Variants in RIN1 observed in about 807,000 individuals in gnomAD.
The protein encoded by RIN1 is ras inhibitor 1.
RIN1 carries 52 observed loss-of-function variants against 64.9 expected under a neutral mutation model. The observed-to-expected ratio is 0.80, with a 90% CI of 0.64 to 1.01. The LOEUF (loss-of-function observed/expected upper bound fraction) is 1.01, where lower values mean the gene tolerates loss of function less well. Among genes scored for constraint, RIN1 ranks in the 50% least tolerant of loss-of-function variants. The pLI, the probability that RIN1 is intolerant of heterozygous loss-of-function variation, is 0.00. For synonymous variants in RIN1, 486 were observed against 483.6 expected (o/e 1.00, Z -0.06); for missense variants, 1,040 against 1,064.5 (o/e 0.98, Z 0.32).
intron 4 of RIN1, 27 bp from the exon 5 acceptor site, chr11:66,335,525 G>A (rs1279355118): frequency 5.6e-6 from 9 of 1,613,374 alleles, no homozygotes; most frequent in Admixed American, 1.7e-5. Flanking sequence ...GAGCAGAAGG[G>A]AGTGAGGGCC....
chr11:66,332,721 C>A lies in RIN1; in HGVS notation c.1907G>T (p.Ser636Ile). 6.6e-7 allele frequency: 1 copy of A among 1,525,536 alleles called. No homozygotes were observed. Among genetic ancestry groups the A allele is most frequent in the Non-Finnish European group, 8.8e-7 (1 of 1,137,694 alleles). The allele number at this position is 1,525,536 out of a possible 1,614,324, so 94.5% of individuals were successfully genotyped here. A position where few individuals can be genotyped will look rare whatever the true frequency, so the allele number is the denominator to read the frequency against. Reference protein sequence around the residue: ...HLLRVAYQDPSSGCTSKTLAV... With the variant: ...HLLRVAYQDPISGCTSKTLAV... ...CAGGGTCTTGGAGGTGCAGCCACTG[C>A]TGGGATCCTGATAGGCTACTCGGAG... Residue 636 changes from serine (S) to isoleucine (I), a missense_variant, in exon 10 of 10, where the codon AGC becomes ATC. Physicochemically the swap from Ser to Ile is moderately radical, Grantham distance 142. Transcript: ENST00000311320.
chr11:66,332,973 G>A lies in RIN1; in HGVS notation c.1876-221C>T. The stretch of plus-strand genomic sequence containing the variant: ...CCCAGTGGGGCGCTCACAAGCCTGA[G>A]ATGAAGATTTGATAGTGAGTAATTT... On this transcript the variant is annotated intron_variant, in intron 9 of 9. Transcript: ENST00000311320. 6.6e-6 allele frequency: 4 copies of A among 606,780 alleles called. No homozygotes were observed. The South Asian group carries it at 8.1e-5, about 12-fold the overall frequency. 37.6% of individuals were successfully genotyped at this position (606,780 alleles called of 1,614,324 possible).
intron 7 of RIN1, 91 bp downstream of exon 7, chr11:66,333,828 G>A (rs1854799247): frequency 2.1e-6 from 3 of 1,427,714 alleles, no homozygotes; most frequent in East Asian, 5.0e-5. Context: ...CTCTCCTGCA[G>A]GGCTGTTCTA....
intron 1 of RIN1, 26 bp downstream of exon 1, chr11:66,336,291 C>G: frequency 6.3e-7 from 1 of 1,589,134 alleles, no homozygotes; most frequent in Non-Finnish European, 8.6e-7. Flanking sequence ...CCTGCCCCAC[C>G]TGGCTGCCCT....
At position 66,334,000 on chromosome 11, in the gene RIN1, G is replaced by A. The variant is rs147712667; in HGVS notation, c.1510C>T (p.Arg504Cys). 312 of 1,565,464 alleles carry A rather than the reference G, an allele frequency of 2.0e-4. No individual in the cohort carries two copies. The African/African-American group carries it at 2.7e-3, about 14-fold the overall frequency. The stretch of plus-strand genomic sequence containing the variant: ...ACCTGGGCGCTGGGTGAGTAGGTGC[G>A]GAGCAGCTGCAGCAGCTTCTGGCGC... ...QVRQKLLQLLRTYSPSAQVKR... is the reference protein window; with the variant it reads ...QVRQKLLQLLCTYSPSAQVKR... The change falls in exon 7 of 10, where the codon CGC (arginine) becomes TGC (cysteine). Residue 504 changes from arginine to cysteine, a missense_variant. Arg to Cys is a radical substitution (Grantham distance 180). Transcript: ENST00000311320.
Position 66,334,195 on chromosome 11 carries a change from A to G in RIN1, c.1315T>C (p.Ser439Pro). 2.7e-6 allele frequency: 4 copies of G among 1,496,728 alleles called. No homozygotes were observed. Among genetic ancestry groups the G allele is most frequent in the Non-Finnish European group, 3.5e-6 (4 of 1,131,116 alleles). The allele number at this position is 1,496,728 out of a possible 1,614,324, so 92.7% of individuals were successfully genotyped here. The change falls in exon 7 of 10, where the codon TCT (serine) becomes CCT (proline). Residue 439 changes from serine to proline, a missense_variant. Physicochemically the swap from Ser to Pro is moderately conservative, Grantham distance 74. Transcript: ENST00000311320. ...EHVLEKSLHCSVLKPLRPILA... is the reference protein window; with the variant it reads ...EHVLEKSLHCPVLKPLRPILA... ...ATGGGCCGGAGAGGCTTGAGCACAG[A>G]GCAATGCAATGACTTCTCCAGGACA...
intron 7 of RIN1, 57 bp from the exon 8 acceptor site, chr11:66,333,715 G>C (rs1854795828): frequency 2.6e-6 from 4 of 1,560,730 alleles, no homozygotes; most frequent in Admixed American, 1.9e-5. Flanking sequence ...TTTAGGCAGT[G>C]ACCCCTCCCC....
rs1805501719 is a variant in RIN1 at position 66,332,487 on chromosome 11, G to A, written c.2141C>T (p.Thr714Ile). The change falls in exon 10 of 10, where the codon ACA (threonine) becomes ATA (isoleucine). Residue 714 changes from threonine (T) to isoleucine (I), a missense_variant. Physicochemically the swap from Thr to Ile is moderately conservative, Grantham distance 89. Transcript: ENST00000311320. Reference protein sequence around the residue: ...AEWPETQGAVTEEEGSGQSEA... With the variant: ...AEWPETQGAVIEEEGSGQSEA... ...TGACTGCCCACTGCCCTCCTCCTCT[G>A]TCACAGCCCCCTGGGTCTCAGGCCA... 2 of 1,614,040 alleles carry A rather than the reference G, an allele frequency of 1.2e-6. No individual in the cohort carries two copies. Among genetic ancestry groups the A allele is most frequent in the South Asian group, 2.2e-5 (2 of 91,092 alleles).
In RIN1 at chr11:66,336,419, G is replaced by A. The variant is rs375024436; in HGVS notation, c.-17C>T. On this transcript the variant is annotated 5_prime_UTR_variant, in exon 1 of 10. Transcript: ENST00000311320. ...GCTTTCCATGGCTGGGAGCTCCTTC[G>A]CTTCAGGAAGAGAATCCAGTCCCAA... 9 of 1,606,148 alleles carry A rather than the reference G, an allele frequency of 5.6e-6. No individual in the cohort carries two copies. Among genetic ancestry groups the A allele is most frequent in the African/African-American group, 5.3e-5 (4 of 74,806 alleles).
At chr11:66,334,473 G>C (rs377735413) in intron 6 of RIN1, 41 bp downstream of exon 6, 142 of 1,584,944 alleles carry the variant, frequency 9.0e-5, no homozygotes, top group Non-Finnish European at 1.2e-4. Flanking sequence ...GCAGAGGGTC[G>C]GATGGGGCAG....
At chr11:66,333,720 C>T in intron 7 of RIN1, 62 bp from the exon 8 acceptor site, 1 of 1,547,922 alleles carries the variant, frequency 6.5e-7, no homozygotes, top group East Asian at 2.3e-5. Flanking sequence ...GCAGTGACCC[C>T]TCCCCATGCC....
chr11:66,334,134 T>C lies in RIN1; in HGVS notation c.1376A>G (p.Asp459Gly). 6.5e-7 allele frequency: 1 copy of C among 1,545,504 alleles called. No homozygotes were observed. Among genetic ancestry groups the C allele is most frequent in the Non-Finnish European group, 8.7e-7 (1 of 1,147,494 alleles). The change falls in exon 7 of 10, where the codon GAC becomes GGC. Residue 459 changes from aspartate to glycine, a missense_variant. Asp to Gly is a moderately conservative substitution (Grantham distance 94). Coordinates refer to ENST00000311320, the MANE Select transcript of RIN1 (RefSeq NM_004292.3). The stretch of plus-strand genomic sequence containing the variant: ...CTCAGCTAGGCGGCCCAGGGAGCCG[T>C]CTGCGGCAAGCCGGCGCCGCAGGCG... Reference protein sequence around the residue: ...AARLRRRLAADGSLGRLAEGL... With the variant: ...AARLRRRLAAGGSLGRLAEGL...
Position 66,333,520 on chromosome 11 carries a change from C to T in RIN1, c.1723+7G>A. On this transcript the variant is annotated splice_region_variant and intron_variant, in intron 8 of 9. Transcript: ENST00000311320. ...CCCAGACAGGGAGGTGGGTGGGGGT[C>T]CCTCACCCTCTCCAGTAAGCAGGCT... 2 of 1,612,852 alleles carry T rather than the reference C, an allele frequency of 1.2e-6. No individual in the cohort carries two copies. Among genetic ancestry groups the T allele is most frequent in the Non-Finnish European group, 8.5e-7 (1 of 1,179,794 alleles).
chr11:66,333,217 G>A lies in RIN1; in HGVS notation c.1875+41C>T. 3 of 1,602,132 alleles carry A rather than the reference G, an allele frequency of 1.9e-6. No individual in the cohort carries two copies. The South Asian group carries it at 3.3e-5, about 18-fold the overall frequency. ...CAAGGACAGGAAGGTGAAAGGCGGGGATGGCGTCTGGCTCTGAGGACACGG... is the reference window on the plus strand; with the variant it reads ...CAAGGACAGGAAGGTGAAAGGCGGGAATGGCGTCTGGCTCTGAGGACACGG... On this transcript the variant is annotated intron_variant, in intron 9 of 9. Transcript: ENST00000311320.
In RIN1 at chr11:66,334,636, G is replaced by A. The variant is rs1469858966; in HGVS notation, c.1163C>T (p.Thr388Ile). ...AAGQLVQDLLTQVRAGPEPQE... is the reference protein window; with the variant it reads ...AAGQLVQDLLIQVRAGPEPQE... ...GGGCTCGGGCCCAGCCCGCACCTGGGTCAGTAGGTCCTGCACCAGCTGGCC... is the reference window on the plus strand; with the variant it reads ...GGGCTCGGGCCCAGCCCGCACCTGGATCAGTAGGTCCTGCACCAGCTGGCC... Residue 388 changes from threonine to isoleucine, a missense_variant, in exon 6 of 10, where the codon ACC becomes ATC. By Grantham distance (89) the Thr-to-Ile change is moderately conservative. Transcript: ENST00000311320. The A allele has an allele frequency of 1.1e-5, 18 of 1,575,562 alleles. No individual in the cohort carries two copies. Among genetic ancestry groups the A allele is most frequent in the African/African-American group, 1.3e-5 (1 of 74,346 alleles).
At chr11:66,333,038 C>G (rs1240802845) in intron 9 of RIN1, 1 of 616,526 alleles carries the variant, frequency 1.6e-6, no homozygotes, top group Non-Finnish European at 2.8e-6. Context: ...ATTTAATCTT[C>G]ACCTCAACCC....
At chr11:66,336,559 T>A, upstream of RIN1, 1 of 655,352 alleles carries the variant, frequency 1.5e-6, no homozygotes, top group African/African-American at 1.8e-5. Context: ...CCTCCTCTGT[T>A]CTGGACCCTG....
Position 66,334,946 on chromosome 11 carries a change from G to A in RIN1, c.853C>T (p.Gln285Ter). The change falls in exon 6 of 10, where the codon CAG becomes TAG. Residue 285 changes from glutamine to a stop codon, truncating the protein, a stop_gained. Transcript: ENST00000311320. LOFTEE classifies it high-confidence loss of function. ...PSQTERLPPC[Q>*]LLRRESSVGY... Reference sequence around the variant, plus strand: ...ACTGAGCTCTCCCTCCGTAGCAGCTGGCAAGGGGGCAGCCGCTCTGTCTGG... The same window carrying A: ...ACTGAGCTCTCCCTCCGTAGCAGCTAGCAAGGGGGCAGCCGCTCTGTCTGG... The A allele has an allele frequency of 6.3e-7, 1 of 1,586,070 alleles. No homozygotes were observed. The highest frequency in any genetic ancestry group is 1.7e-5 in the Admixed American group (1 of 57,180).
At chr11:66,335,348 T>C (rs1170390172) in intron 5 of RIN1, 59 bp downstream of exon 5, 8 of 1,559,130 alleles carry the variant, frequency 5.1e-6, no homozygotes, top group Non-Finnish European at 7.0e-6. Flanking sequence ...GCTGCGAGCC[T>C]TGCCTTCCCC....
Sources: allele counts gnomAD v4.1 joint callset, GRCh38; gene constraint gnomAD v4.1.1; transcripts MANE v1.5; gene names NCBI Gene and HGNC (gene_info 2026-07-23, HGNC 2026-07-21).